RSPH3: variants seen among roughly 807,000 people sequenced by gnomAD.
RSPH3 encodes radial spoke head 3.
A neutral mutation model predicts 43.8 loss-of-function variants in RSPH3; 21 were observed. That is an observed-to-expected ratio of 0.48 (90% confidence interval 0.34 to 0.69). The LOEUF (loss-of-function observed/expected upper bound fraction) is 0.69, where lower values mean the gene tolerates loss of function less well. Among genes scored for constraint, RSPH3 ranks in the 30% least tolerant of loss-of-function variants. The pLI is 0.01. For missense variants in RSPH3, 487 were observed against 516.0 expected, an observed-to-expected ratio of 0.94 and a Z score of 0.54; for synonymous variants, 173 against 179.8, an observed-to-expected ratio of 0.96 and a Z score of 0.30.
chr6:158,998,414 A>G (rs1429956237), intron 1 of RSPH3, among the ~76,000 whole-genome samples: 12 of 137,348 alleles, frequency 8.7e-5, no homozygotes, highest in Non-Finnish European at 1.2e-4. Flanking sequence ...GGTTGCAGTG[A>G]GCCGAGATTG....
In RSPH3 at chr6:158,986,509, G is replaced by A. The variant is rs577959495; in HGVS notation, c.205-88C>T. On this transcript the variant is annotated intron_variant, in intron 2 of 7. Coordinates refer to ENST00000367069, the MANE Select transcript of RSPH3 (RefSeq NM_031924.8). ...CCATTCCAAAAGCAATTCCTGAGTA[G>A]TATAAAGGCATTTGTCATAATGTTT... 1.6e-4 allele frequency: 156 copies of A among 985,078 alleles called. No individual in the cohort carries two copies. The African/African-American group carries it at 2.4e-3, about 15-fold the overall frequency. The allele number at this position is 985,078 out of a possible 1,614,324, so 61.0% of individuals were successfully genotyped here.
chr6:158,985,313 A>C (rs1434390682), intron 3 of RSPH3, among the ~76,000 whole-genome samples: 2 of 152,192 alleles, frequency 1.3e-5, no homozygotes, highest in African/African-American at 4.8e-5. Context: ...AGACAAACAA[A>C]AGGACAAAAT....
chr6:158,990,718 T>C (rs917909201), intron 2 of RSPH3: 2 of 152,160 alleles, frequency 1.3e-5, no homozygotes, highest in Non-Finnish European at 2.9e-5. Context: ...GTTTATCCTC[T>C]TGGGGGGTCA....
Position 158,983,682 on chromosome 6 carries a change from T to G in RSPH3, c.472A>C (p.Thr158Pro). Residue 158 changes from threonine to proline, a missense_variant, in exon 4 of 8, where the codon ACC becomes CCC. Coordinates refer to ENST00000367069, the MANE Select transcript of RSPH3 (RefSeq NM_031924.8). ...IPAKTGKDVA[T>P]QILEGELFDF... ...TGTACCTCTCCTTCTAGTATTTGGG[T>G]GGCCACATCTTTGCCAGTTTTGGCA... The G allele has an allele frequency of 6.2e-7, 1 of 1,613,626 alleles. No individual in the cohort carries two copies. The highest frequency in any genetic ancestry group is 8.5e-7 in the Non-Finnish European group (1 of 1,179,518).
At chr6:158,993,615 CA>C (rs1778491240) in intron 2 of RSPH3, among the ~76,000 whole-genome samples, 2 of 152,146 alleles carry the variant, frequency 1.3e-5, no homozygotes, top group African/African-American at 4.8e-5. Context: ...ACTCTACACT[CA>C]TTAAACAATA....
At chr6:158,996,028 C>T (rs1455908313) in intron 1 of RSPH3, among the ~76,000 whole-genome samples, 1 of 152,154 alleles carries the variant, frequency 6.6e-6, no homozygotes, top group Non-Finnish European at 1.5e-5. Flanking sequence ...TCCCTTTTAC[C>T]ACATAACATG....
Position 158,982,757 on chromosome 6 carries a change from G to T in RSPH3, c.493-69C>A. ...ATCAAATGCTCAACAAAAATATAATGAATAGCAATAACAAGATATTATTTA... is the reference window on the plus strand; with the variant it reads ...ATCAAATGCTCAACAAAAATATAATTAATAGCAATAACAAGATATTATTTA... On this transcript the variant is annotated intron_variant, in intron 4 of 7. Coordinates refer to ENST00000367069, the MANE Select transcript of RSPH3 (RefSeq NM_031924.8). The T allele has an allele frequency of 3.8e-6, 4 of 1,049,188 alleles. No homozygotes were observed. In the South Asian group the frequency reaches 5.6e-5, roughly 15 times the overall value. 65.0% of individuals were successfully genotyped at this position (1,049,188 alleles called of 1,614,324 possible). A position where few individuals can be genotyped will look rare whatever the true frequency, so the allele number is the denominator to read the frequency against.
At chr6:158,981,050 G>T (rs536418733) in intron 5 of RSPH3, 114 bp from the exon 6 acceptor site, 3 of 959,596 alleles carry the variant, frequency 3.1e-6, no homozygotes, top group Admixed American at 4.4e-5. Flanking sequence ...ACAGCGAGGT[G>T]TCTATCTATT....
intron 1 of RSPH3, among the ~76,000 whole-genome samples, chr6:158,996,212 T>C (rs1778589529): frequency 6.6e-6 from 1 of 152,242 alleles, no homozygotes; most frequent in Non-Finnish European, 1.5e-5. Flanking sequence ...GGGTTATATA[T>C]CCTTTACCAA....
chr6:158,999,298 G>A (rs879481415), intron 1 of RSPH3, 137 bp downstream of exon 1: 8,342 of 757,606 alleles, frequency 0.011, 99 homozygotes, highest in Admixed American at 0.018. Context: ...ATTCCTTAGG[G>A]CAGAACTTTT....
intron 6 of RSPH3, among the ~76,000 whole-genome samples, chr6:158,980,102 A>G (rs1365125056): frequency 6.6e-6 from 1 of 152,260 alleles, no homozygotes; most frequent in African/African-American, 2.4e-5. Context: ...TTTATAGTTT[A>G]CACAGTTTCA....
At position 158,999,767 on chromosome 6, in the gene RSPH3, T is replaced by G. The variant is rs201139812; in HGVS notation, c.-217A>C. The G allele has an allele frequency of 5.0e-5, 80 of 1,611,072 alleles. No individual in the cohort carries two copies. The East Asian group carries it at 1.6e-3, about 31-fold the overall frequency. ...CGCTCCCAGCACCACAGAGACCAGC[T>G]GCGGGGGCCGCATCGGTTGCCCAGC... On this transcript the variant is annotated 5_prime_UTR_variant, in exon 1 of 8. Coordinates refer to ENST00000367069, the MANE Select transcript of RSPH3 (RefSeq NM_031924.8).
chr6:158,999,552 T>C lies in RSPH3; in HGVS notation c.-2A>G. 1 of 1,605,020 alleles carries C rather than the reference T, an allele frequency of 6.2e-7. No individual in the cohort carries two copies. The highest frequency in any genetic ancestry group is 8.5e-7 in the Non-Finnish European group (1 of 1,173,778). ...GCGATCAGTCAGCGCTGAGGCCATG[T>C]CCGGGGGCTGACTGCCTCGCTTTCG... On this transcript the variant is annotated 5_prime_UTR_variant, in exon 1 of 8. Coordinates refer to ENST00000367069, the MANE Select transcript of RSPH3 (RefSeq NM_031924.8).
chr6:158,978,593 T>C (rs1214390376), intron 6 of RSPH3, among the ~76,000 whole-genome samples: 1 of 152,108 alleles, frequency 6.6e-6, no homozygotes, highest in Non-Finnish European at 1.5e-5. Flanking sequence ...CAGGCTGGAG[T>C]GCGGTGGCGC....
rs775557943 is a variant in RSPH3, at chr6:158,980,830, G to A, written c.803C>T (p.Pro268Leu). The A allele has an allele frequency of 1.5e-5, 24 of 1,613,960 alleles. No homozygotes were observed. In the East Asian group the frequency reaches 3.8e-4, roughly 25 times the overall value. Reference protein sequence around the residue: ...FAQRYLADLLPSVFGSLRDSG... With the variant: ...FAQRYLADLLLSVFGSLRDSG... The stretch of plus-strand genomic sequence containing the variant: ...ATCCCTGAGGCTGCCAAAAACAGAC[G>A]GGAGAAGGTCAGCCAGGTAACGCTG... The change falls in exon 6 of 8, where the codon CCG (proline) becomes CTG (leucine). Residue 268 changes from proline (P) to leucine (L), a missense_variant. Pro to Leu is a moderately conservative substitution (Grantham distance 98). Transcript: ENST00000367069.
chr6:158,997,271 C>CTTTTT (rs35951023), intron 1 of RSPH3, among the ~76,000 whole-genome samples: 1 of 129,100 alleles, frequency 7.7e-6, no homozygotes, highest in Non-Finnish European at 1.6e-5. Flanking sequence ...CTCCTGAACA[C>CTTTTT]TTTTTTTTTT....
intron 1 of RSPH3, among the ~76,000 whole-genome samples, chr6:158,994,601 A>G (rs1169401847): frequency 6.6e-6 from 1 of 152,166 alleles, no homozygotes; most frequent in Admixed American, 6.5e-5. Flanking sequence ...CTGTGAGCTG[A>G]GATTGGGCTA....
the RSPH3 span, among the ~76,000 whole-genome samples, chr6:158,963,467 C>T: frequency 2.7e-5 from 3 of 110,458 alleles, no homozygotes; most frequent in Admixed American, 9.5e-5. Flanking sequence ...CCTCCCCTCC[C>T]CTCCTCTCCC....
intron 2 of RSPH3, 86 bp from the exon 3 acceptor site, chr6:158,986,507 T>C (rs557977510): frequency 9.6e-7 from 1 of 1,043,876 alleles, no homozygotes; most frequent in East Asian, 2.4e-5. Flanking sequence ...AATTCCTGAG[T>C]AGTATAAAGG....
Sources: allele counts gnomAD v4.1 joint callset (sites outside exome capture counted in the v4.1 genomes callset), GRCh38; gene constraint gnomAD v4.1.1; transcripts MANE v1.5; gene names NCBI Gene and HGNC (gene_info 2026-07-23, HGNC 2026-07-21).